VSTM2B: variants seen among roughly 807,000 people sequenced by gnomAD.
The protein encoded by VSTM2B is V-set and transmembrane domain-containing protein 2B.
VSTM2B carries 24 observed loss-of-function variants against 24.0 expected under a neutral mutation model. The ratio of observed to expected loss-of-function variants is 1.00; its 90% CI spans 0.72 to 1.40. The LOEUF is 1.40. Among genes scored for constraint, VSTM2B ranks in the 40% most tolerant of loss-of-function variants. The probability of loss-of-function intolerance (pLI) is 0.00; values close to 1 mark genes in which losing one functional copy is unlikely to be tolerated. For missense variants in VSTM2B, 399 were observed against 416.4 expected (o/e 0.96, Z 0.36); for synonymous variants, 226 against 194.4 (o/e 1.16, Z -1.35).
At chr19:29,531,579 C>T (rs1430570430) in intron 4 of VSTM2B, among the ~76,000 whole-genome samples, 1 of 152,204 alleles carries the variant, frequency 6.6e-6, no homozygotes, top group Non-Finnish European at 1.5e-5. Flanking sequence ...TCATTTAGCT[C>T]TACCCACTGT....
Position 29,526,853 on chromosome 19 carries a change from C to G in VSTM2B, c.82+188C>G, listed in dbSNP as rs1408712193. On this transcript the variant is annotated intron_variant, in intron 1 of 4. Transcript: ENST00000335523. This position sits in a 1 kb window ranked among gnomAD's most constrained non-coding sequence, Gnocchi z 4.1. Reference sequence around the variant, plus strand: ...GGTCGCCGCAGCAGCAGCGCCGCGCCCGAGTCGTTCCCAGTCCCGCCGGGG... The same window carrying G: ...GGTCGCCGCAGCAGCAGCGCCGCGCGCGAGTCGTTCCCAGTCCCGCCGGGG... The G allele has an allele frequency of 1.9e-6, 1 of 533,402 alleles. No homozygotes were observed. The highest frequency in any genetic ancestry group is 2.0e-5 in the African/African-American group (1 of 49,666). 33.0% of individuals were successfully genotyped at this position (533,402 alleles called of 1,614,324 possible). A position where few individuals can be genotyped will look rare whatever the true frequency, so the allele number is the denominator to read the frequency against.
At chr19:29,529,265 C>T (rs1402691553) in intron 3 of VSTM2B, among the ~76,000 whole-genome samples, 1 of 152,234 alleles carries the variant, frequency 6.6e-6, no homozygotes, top group Admixed American at 6.5e-5. Context: ...CGTTGCTTGC[C>T]TTCTTAAGAA....
At chr19:29,563,079 G>A (rs540319889) in intron 4 of VSTM2B, among the ~76,000 whole-genome samples, 2 of 152,104 alleles carry the variant, frequency 1.3e-5, no homozygotes, top group African/African-American at 2.4e-5. Context: ...CAGGGTGCGT[G>A]GGAGTGTGAA....
At chr19:29,539,631 G>C (rs1969978211) in intron 4 of VSTM2B, among the ~76,000 whole-genome samples, 1 of 152,154 alleles carries the variant, frequency 6.6e-6, no homozygotes, top group Non-Finnish European at 1.5e-5. Flanking sequence ...ACATGTGCTG[G>C]TTCTTCCACT....
At chr19:29,536,204 G>T (rs1423919507) in intron 4 of VSTM2B, among the ~76,000 whole-genome samples, 1 of 152,206 alleles carries the variant, frequency 6.6e-6, no homozygotes, top group Non-Finnish European at 1.5e-5. Context: ...TGGCAGTGTG[G>T]ACCCAAACTT....
At chr19:29,529,433 T>C (rs1402930666) in intron 3 of VSTM2B, among the ~76,000 whole-genome samples, 3 of 151,794 alleles carry the variant, frequency 2.0e-5, no homozygotes, top group African/African-American at 7.3e-5. Flanking sequence ...GTGGGGAAGT[T>C]AAGGAACAAG....
At chr19:29,528,287 C>T (rs1276523468) in intron 2 of VSTM2B, 146 bp from the exon 3 acceptor site, 1 of 953,262 alleles carries the variant, frequency 1.0e-6, no homozygotes, top group Non-Finnish European at 1.6e-6. Flanking sequence ...GAAAGCCGGA[C>T]GTCCTTTGTG....
chr19:29,542,965 G>A (rs1345997418), intron 4 of VSTM2B, among the ~76,000 whole-genome samples: 2 of 152,134 alleles, frequency 1.3e-5, no homozygotes, highest in African/African-American at 4.8e-5. Context: ...TAGACAGAGG[G>A]GAAGGGCAGA....
intron 4 of VSTM2B, among the ~76,000 whole-genome samples, chr19:29,562,212 G>A (rs1373176891): frequency 6.6e-6 from 1 of 152,218 alleles, no homozygotes; most frequent in African/African-American, 2.4e-5. Context: ...TCTACAAAAA[G>A]AGGATGATGG....
At chr19:29,558,902 C>T (rs1468519212) in intron 4 of VSTM2B, among the ~76,000 whole-genome samples, 1 of 152,128 alleles carries the variant, frequency 6.6e-6, no homozygotes, top group African/African-American at 2.4e-5. Flanking sequence ...AAAAATAAAA[C>T]CACAATGAGA....
At chr19:29,547,548 G>A (rs908623416) in intron 4 of VSTM2B, among the ~76,000 whole-genome samples, 3 of 152,296 alleles carry the variant, frequency 2.0e-5, no homozygotes, top group South Asian at 2.1e-4. Context: ...CCATGTCCTG[G>A]TTTTGGGTGG....
intron 1 of VSTM2B, 31 bp from the exon 2 acceptor site, chr19:29,527,180 G>T: frequency 6.5e-7 from 1 of 1,535,216 alleles, no homozygotes; most frequent in Non-Finnish European, 8.8e-7. Context: ...CCTACAGCTG[G>T]TCACGCCTCT....
chr19:29,563,647 G>T (rs921732212), intron 4 of VSTM2B, among the ~76,000 whole-genome samples, 199 bp from the exon 5 acceptor site: 6 of 152,178 alleles, frequency 3.9e-5, no homozygotes, highest in African/African-American at 1.2e-4. Context: ...ATCCTAAAGT[G>T]TATGGTCTGT....
chr19:29,527,384 G>GC lies in VSTM2B; in HGVS notation c.259dup (p.Arg87ProfsTer7). ...CGAGCTGGCGCTCAGCGTGCCGGGCGCCCGGAGCAAGGTAACCCGCCGCCC... is the reference window on the plus strand; with the variant it reads ...CGAGCTGGCGCTCAGCGTGCCGGGCGCCCCGGAGCAAGGTAACCCGCCGCCC... On this transcript the variant is annotated frameshift_variant, in exon 2 of 5. Coordinates refer to ENST00000335523, the MANE Select transcript of VSTM2B (RefSeq NM_001146339.2). LOFTEE classifies it high-confidence loss of function. 6.5e-7 allele frequency: 1 copy of GC among 1,537,578 alleles called. No individual in the cohort carries two copies. Among genetic ancestry groups the GC allele is most frequent in the Non-Finnish European group, 8.7e-7 (1 of 1,143,386 alleles).
chr19:29,534,533 G>A (rs1450537567), intron 4 of VSTM2B, among the ~76,000 whole-genome samples: 1 of 152,134 alleles, frequency 6.6e-6, no homozygotes, highest in Non-Finnish European at 1.5e-5. Context: ...TGGCCAACAT[G>A]ATGAGATCCT....
At chr19:29,541,910 G>T (rs2145486023) in intron 4 of VSTM2B, among the ~76,000 whole-genome samples, 1 of 152,062 alleles carries the variant, frequency 6.6e-6, no homozygotes, top group East Asian at 1.9e-4. Flanking sequence ...CGAGTGGACG[G>T]GTAGATGGGT....
Position 29,564,026 on chromosome 19 carries a change from CTG to C in VSTM2B, c.*93_*94del. ...ATGTCGCTGGATGGACACAGAGAGA[CTG>C]AGAGACGCATGAAAAAGTCCACATG... On this transcript the variant is annotated 3_prime_UTR_variant, in exon 5 of 5. Transcript: ENST00000335523. 1 of 944,362 alleles carries C rather than the reference CTG, an allele frequency of 1.1e-6. No individual in the cohort carries two copies. The highest frequency in any genetic ancestry group is 1.6e-6 in the Non-Finnish European group (1 of 617,710). The allele number at this position is 944,362 out of a possible 1,614,324, so 58.5% of individuals were successfully genotyped here.
chr19:29,528,672 G>C (rs537834770), intron 3 of VSTM2B, among the ~76,000 whole-genome samples: 7 of 152,236 alleles, frequency 4.6e-5, no homozygotes, highest in Admixed American at 3.3e-4. Flanking sequence ...GTAAATCAAG[G>C]GTCCAAGGCT....
At chr19:29,559,946 C>T (rs1970490409) in intron 4 of VSTM2B, among the ~76,000 whole-genome samples, 1 of 152,114 alleles carries the variant, frequency 6.6e-6, no homozygotes, top group South Asian at 2.1e-4. Context: ...GGCGATTCTT[C>T]TGCTGGTCTG....
Sources: allele counts gnomAD v4.1 joint callset (sites outside exome capture counted in the v4.1 genomes callset), GRCh38; gene constraint gnomAD v4.1.1; non-coding constraint Gnocchi (gnomAD v3.1); transcripts MANE v1.5; gene names NCBI Gene and HGNC (gene_info 2026-07-23, HGNC 2026-07-21).